The following CPQ variants were observed in gnomAD, a reference collection of about 807,000 sequenced individuals.
CPQ encodes carboxypeptidase Q.
CPQ carries 37 observed loss-of-function variants against 45.7 expected under a neutral mutation model. The observed-to-expected ratio is 0.81, with a 90% CI of 0.62 to 1.07. The LOEUF (loss-of-function observed/expected upper bound fraction) is 1.07. Ranked by LOEUF, CPQ falls within the 50% of genes least tolerant of loss-of-function variation. The probability of loss-of-function intolerance (pLI) is 0.00; values close to 1 mark genes in which losing one functional copy is unlikely to be tolerated. For synonymous variants in CPQ, 186 were observed against 205.8 expected (o/e 0.90, Z 0.82); for missense variants, 537 against 572.9 (o/e 0.94, Z 0.64).
At chr8:96,880,565 A>G (rs1812209821) in intron 4 of CPQ, among the ~76,000 whole-genome samples, 1 of 61,682 alleles carries the variant, frequency 1.6e-5, no homozygotes, top group Admixed American at 1.9e-4. Flanking sequence ...ATATATATAT[A>G]TATATATATA....
At chr8:97,103,757 C>T (rs1811355477) in intron 7 of CPQ, among the ~76,000 whole-genome samples, 2 of 152,170 alleles carry the variant, frequency 1.3e-5, no homozygotes, top group African/African-American at 4.8e-5. Context: ...TATTATCAAG[C>T]AGGTTACTCC....
At chr8:96,796,373 T>C (rs1272346314) in intron 2 of CPQ, among the ~76,000 whole-genome samples, 1 of 152,206 alleles carries the variant, frequency 6.6e-6, no homozygotes, top group Non-Finnish European at 1.5e-5. Context: ...GAATAATAAT[T>C]CATTATTAAT....
intron 7 of CPQ, among the ~76,000 whole-genome samples, chr8:97,076,841 T>C (rs1407598855): frequency 6.6e-6 from 1 of 151,922 alleles, no homozygotes; most frequent in Non-Finnish European, 1.5e-5. Flanking sequence ...CAACAGGGAG[T>C]TTAGGGGTGC....
intron 7 of CPQ, among the ~76,000 whole-genome samples, chr8:97,080,861 T>C (rs139691973): frequency 4.2e-4 from 64 of 152,288 alleles, no homozygotes; most frequent in African/African-American, 1.4e-3. Flanking sequence ...CCGTTGCCTA[T>C]CATAGGACGA....
intron 5 of CPQ, among the ~76,000 whole-genome samples, chr8:97,019,676 C>A (rs1324634857): frequency 6.6e-6 from 1 of 152,156 alleles, no homozygotes; most frequent in East Asian, 1.9e-4. Flanking sequence ...GAAAATATCA[C>A]AATTCTAAAT....
chr8:96,677,137 A>C (rs898618162), intron 1 of CPQ, among the ~76,000 whole-genome samples: 5 of 151,944 alleles, frequency 3.3e-5, no homozygotes, highest in African/African-American at 4.8e-5. Flanking sequence ...GTAAAAATGC[A>C]TATGCATGTG....
At chr8:96,960,316 G>A (rs1813436407) in intron 4 of CPQ, among the ~76,000 whole-genome samples, 1 of 152,138 alleles carries the variant, frequency 6.6e-6, no homozygotes, top group Non-Finnish European at 1.5e-5. Context: ...TATCAAGATT[G>A]TGATAGCTTT....
At chr8:96,730,862 C>T (rs375163438) in intron 1 of CPQ, among the ~76,000 whole-genome samples, 5 of 29,382 alleles carry the variant, frequency 1.7e-4, no homozygotes, top group African/African-American at 4.7e-4. Context: ...ATTAACCATA[C>T]ATACATATAT....
intron 1 of CPQ, among the ~76,000 whole-genome samples, chr8:96,677,613 TG>T (rs1208199247): frequency 1.3e-5 from 2 of 152,314 alleles, no homozygotes; most frequent in Middle Eastern, 3.4e-3. Context: ...TCTCCCATTC[TG>T]TGGGTTGTCT....
At chr8:96,871,374 A>T (rs1443078130) in intron 3 of CPQ, among the ~76,000 whole-genome samples, 1 of 151,998 alleles carries the variant, frequency 6.6e-6, no homozygotes, top group Non-Finnish European at 1.5e-5. Flanking sequence ...CACTACAGAA[A>T]GATTCAGCTG....
chr8:96,742,948 T>C (rs1480101889), intron 1 of CPQ, among the ~76,000 whole-genome samples: 3 of 152,214 alleles, frequency 2.0e-5, no homozygotes, highest in Non-Finnish European at 2.9e-5. Flanking sequence ...TTGACAATTA[T>C]GTGTCTTGGT....
At chr8:97,043,442 T>G (rs1810170798) in intron 6 of CPQ, among the ~76,000 whole-genome samples, 1 of 151,996 alleles carries the variant, frequency 6.6e-6, no homozygotes, top group Non-Finnish European at 1.5e-5. Flanking sequence ...CTTTATCCAG[T>G]TTGCCAGTCT....
At chr8:97,112,930 G>A (rs973083693) in intron 7 of CPQ, among the ~76,000 whole-genome samples, 1 of 152,230 alleles carries the variant, frequency 6.6e-6, no homozygotes, top group Non-Finnish European at 1.5e-5. Context: ...TAGGGACAGA[G>A]GGAAGCCATT....
At chr8:96,845,248 TCTAC>T (rs1459562858) in intron 3 of CPQ, among the ~76,000 whole-genome samples, 2 of 152,194 alleles carry the variant, frequency 1.3e-5, no homozygotes, top group African/African-American at 2.4e-5. Context: ...TTTATGTCTA[TCTAC>T]CTACCTACCT....
At chr8:96,969,960 G>A (rs1211519827) in intron 5 of CPQ, among the ~76,000 whole-genome samples, 1 of 152,154 alleles carries the variant, frequency 6.6e-6, no homozygotes, top group East Asian at 1.9e-4. Flanking sequence ...AAGCCTCCCT[G>A]GCCCAGAATA....
In CPQ at chr8:96,835,140, G is replaced by T. The variant is rs1233007781; in HGVS notation, c.601G>T (p.Ala201Ser). The T allele has an allele frequency of 6.4e-7, 1 of 1,565,652 alleles. No homozygotes were observed. Among genetic ancestry groups the T allele is most frequent in the Non-Finnish European group, 8.7e-7 (1 of 1,152,352 alleles). ...AVEAAKVGAL[A>S]SLIRSVASFS... ...GGAAGCTGCCAAGGTGGGGGCTTTGGCATCTCTCATTCGATCCGTGGCCTC... is the reference window on the plus strand; with the variant it reads ...GGAAGCTGCCAAGGTGGGGGCTTTGTCATCTCTCATTCGATCCGTGGCCTC... Residue 201 changes from alanine to serine, a missense_variant, in exon 3 of 8, where the codon GCA becomes TCA. Transcript: ENST00000220763.
chr8:97,121,839 T>C (rs1336086028), intron 7 of CPQ, among the ~76,000 whole-genome samples: 1 of 151,970 alleles, frequency 6.6e-6, no homozygotes, highest in Non-Finnish European at 1.5e-5. Flanking sequence ...ATTCTATAAC[T>C]GAAAAATACA....
In CPQ at chr8:96,878,278, T is replaced by C. The variant is rs540134060; in HGVS notation, c.642-1520T>C. 1.8e-3 allele frequency among the ~76,000 whole-genome samples: 272 copies of C among 152,294 alleles called. 2 individuals carry two copies. The highest frequency in any genetic ancestry group is 6.1e-3 in the African/African-American group (254 of 41,566). ...ACCATGCCCGGCTTGCAGTCTACTT[T>C]TTAGAAATGTTCATAGAGGGTATAC... is the stretch of plus-strand genomic sequence containing the variant. On this transcript the variant is annotated intron_variant, in intron 3 of 7. Transcript: ENST00000220763.
chr8:96,893,821 G>T lies in CPQ; in HGVS notation c.849+13816G>T, dbSNP rs188143419. 7.9e-5 allele frequency among the ~76,000 whole-genome samples: 12 copies of T among 152,246 alleles called. No homozygotes were observed. The East Asian group carries it at 2.3e-3, about 29-fold the overall frequency. ...ATAATAATAATTACAATATAGTGAA[G>T]TAATGAGAGCAATTTTAGTAGTTTT... On this transcript the variant is annotated intron_variant, in intron 4 of 7. Coordinates refer to ENST00000220763, the MANE Select transcript of CPQ (RefSeq NM_016134.4).
Sources: allele counts gnomAD v4.1 joint callset (sites outside exome capture counted in the v4.1 genomes callset), GRCh38; gene constraint gnomAD v4.1.1; transcripts MANE v1.5; gene names NCBI Gene and HGNC (gene_info 2026-07-23, HGNC 2026-07-21).